The following LDB2 variants were observed in gnomAD, a reference collection of about 807,000 sequenced individuals.
LDB2 encodes LIM domain-binding protein 2.
Under a neutral mutation model 44.3 loss-of-function variants are expected in LDB2, and 12 were observed. The observed-to-expected ratio is 0.27, with a 90% CI of 0.17 to 0.44. The LOEUF (loss-of-function observed/expected upper bound fraction) is 0.44, where lower values mean the gene tolerates loss of function less well. Among genes scored for constraint, LDB2 ranks in the 20% least tolerant of loss-of-function variants. The probability of loss-of-function intolerance (pLI) is 1.00; values close to 1 mark genes in which losing one functional copy is unlikely to be tolerated. For missense variants in LDB2, 344 were observed against 473.5 expected (o/e 0.73, Z 2.54); for synonymous variants, 164 against 174.8 (o/e 0.94, Z 0.49).
intron 3 of LDB2, among the ~76,000 whole-genome samples, chr4:16,592,708 A>C (rs1719566351): frequency 6.6e-6 from 1 of 151,992 alleles, no homozygotes; most frequent in South Asian, 2.1e-4. Flanking sequence ...AGCAGTAAAA[A>C]AATTCATAGT....
chr4:16,893,977 G>C (rs2110540877), intron 1 of LDB2, among the ~76,000 whole-genome samples: 1 of 152,132 alleles, frequency 6.6e-6, no homozygotes, highest in East Asian at 1.9e-4. Context: ...TCGAACATTA[G>C]TTAAATCCCT....
intron 2 of LDB2, among the ~76,000 whole-genome samples, chr4:16,707,546 T>G (rs926652693): frequency 6.6e-6 from 1 of 152,232 alleles, no homozygotes; most frequent in Non-Finnish European, 1.5e-5. Context: ...GGTTAATTGT[T>G]GCAGTTTATT....
At chr4:16,749,469 A>G (rs1765015051) in intron 2 of LDB2, among the ~76,000 whole-genome samples, 1 of 150,532 alleles carries the variant, frequency 6.6e-6, no homozygotes, top group Admixed American at 6.7e-5. Flanking sequence ...GAGGCAGGAG[A>G]ATTGCTTGAA....
intron 3 of LDB2, 52 bp downstream of exon 3, chr4:16,595,651 T>C: frequency 2.6e-6 from 4 of 1,530,620 alleles, no homozygotes; most frequent in Non-Finnish European, 3.6e-6. Context: ...TATTATTCTT[T>C]AATGCTCTCA....
At chr4:16,537,719 G>A (rs1336439108) in intron 5 of LDB2, among the ~76,000 whole-genome samples, 5 of 152,162 alleles carry the variant, frequency 3.3e-5, no homozygotes, top group Admixed American at 1.3e-4. Context: ...TAGAGGCATT[G>A]AAACTGAGGT....
chr4:16,744,818 T>A (rs1038972249), intron 2 of LDB2, among the ~76,000 whole-genome samples: 1 of 152,200 alleles, frequency 6.6e-6, no homozygotes, highest in Non-Finnish European at 1.5e-5. Context: ...TTAATTTGAA[T>A]CCTGACTTTA....
chr4:16,819,684 T>C (rs1781596875), intron 1 of LDB2, among the ~76,000 whole-genome samples: 1 of 152,068 alleles, frequency 6.6e-6, no homozygotes, highest in Non-Finnish European at 1.5e-5. Flanking sequence ...AAAACACAAG[T>C]GTGAGCAATA....
intron 2 of LDB2, among the ~76,000 whole-genome samples, chr4:16,628,868 A>T (rs902922276): frequency 6.6e-6 from 1 of 152,162 alleles, no homozygotes; most frequent in East Asian, 1.9e-4. Context: ...GCCGTGAGTG[A>T]CTGTACCTGG....
intron 1 of LDB2, among the ~76,000 whole-genome samples, chr4:16,787,430 T>C (rs2109545955): frequency 6.6e-6 from 1 of 152,206 alleles, no homozygotes; most frequent in East Asian, 1.9e-4. Flanking sequence ...CTGGTCAACA[T>C]GGTGAAACTT....
At chr4:16,667,316 C>A (rs913485447) in intron 2 of LDB2, among the ~76,000 whole-genome samples, 19 of 152,186 alleles carry the variant, frequency 1.2e-4, no homozygotes, top group Non-Finnish European at 8.8e-5. Flanking sequence ...TGTGCAGAGT[C>A]CTTGCCGTGC....
At chr4:16,541,312 C>T (rs1733683882) in intron 5 of LDB2, among the ~76,000 whole-genome samples, 1 of 151,864 alleles carries the variant, frequency 6.6e-6, no homozygotes, top group Non-Finnish European at 1.5e-5. Context: ...AGTGTGGCAC[C>T]CTCCCTGCCT....
At chr4:16,617,286 T>A (rs1339333502) in intron 2 of LDB2, among the ~76,000 whole-genome samples, 1 of 151,276 alleles carries the variant, frequency 6.6e-6, no homozygotes, top group Non-Finnish European at 1.5e-5. Flanking sequence ...GCGAGTGGAA[T>A]ACTGAAAACC....
At position 16,744,528 on chromosome 4, in the gene LDB2, G is replaced by A. The variant is rs546128374; in HGVS notation, c.235+14630C>T. ...CTCACTCTGTTGCCCAGGCTGGAGT[G>A]CAGTGGCTTGATCTCAGCTGACTGC... On this transcript the variant is annotated intron_variant, in intron 2 of 7. Coordinates refer to ENST00000304523, the MANE Select transcript of LDB2 (RefSeq NM_001290.5). 4.7e-3 allele frequency among the ~76,000 whole-genome samples: 707 copies of A among 151,878 alleles called. 8 individuals are homozygous for A. Among genetic ancestry groups the A allele is most frequent in the African/African-American group, 0.016 (676 of 41,382 alleles).
At chr4:16,856,666 T>C (rs1789420515) in intron 1 of LDB2, among the ~76,000 whole-genome samples, 1 of 152,170 alleles carries the variant, frequency 6.6e-6, no homozygotes, top group Non-Finnish European at 1.5e-5. Flanking sequence ...ATTCTACCCT[T>C]AAGTACTTAC....
rs765454679 is a variant in LDB2, at chr4:16,759,225, A to C, written c.168T>G (p.Thr56=). ...SDNLWWDAFA[T]EFFEDDATLT... ...ATGTGGCGTCATCTTCAAAAAATTC[A>C]GTGGCAAAGGCGTCCCACCAGAGGT... is the stretch of plus-strand genomic sequence containing the variant. Residue 56 remains threonine, a synonymous_variant, in exon 2 of 8, where the codon ACT becomes ACG. Transcript: ENST00000304523. 4 of 1,614,058 alleles carry C rather than the reference A, an allele frequency of 2.5e-6. No homozygotes were observed. Among genetic ancestry groups the C allele is most frequent in the Admixed American group, 3.3e-5 (2 of 60,026 alleles).
chr4:16,712,152 T>C (rs1202368056), intron 2 of LDB2, among the ~76,000 whole-genome samples: 2 of 152,190 alleles, frequency 1.3e-5, no homozygotes, highest in Non-Finnish European at 2.9e-5. Flanking sequence ...GAAAATATTT[T>C]AGAATCATAT....
In LDB2 at chr4:16,533,609, C is replaced by G. The variant is rs1730831153; in HGVS notation, c.616-21505G>C. Among the ~76,000 whole-genome samples, 1 of 152,188 alleles carries G rather than the reference C, an allele frequency of 6.6e-6. No homozygotes were observed. The highest frequency in any genetic ancestry group is 2.4e-5 in the African/African-American group (1 of 41,444). ...AAAGCTGAGACTTCTCTCAAGAAAG[C>G]AAGACTGTGACAGAGAAGGGCAGCT... On this transcript the variant is annotated intron_variant, in intron 5 of 7. Transcript: ENST00000304523. The surrounding 1 kb of genome is among the most constrained non-coding windows in gnomAD (Gnocchi z 4.1).
chr4:16,771,030 A>T (rs1243676410), intron 1 of LDB2, among the ~76,000 whole-genome samples: 1 of 152,232 alleles, frequency 6.6e-6, no homozygotes, highest in Non-Finnish European at 1.5e-5. Context: ...CCATTCCAAC[A>T]TAAACACAGC....
At chr4:16,604,321 C>G (rs952093123) in intron 2 of LDB2, among the ~76,000 whole-genome samples, 2 of 151,972 alleles carry the variant, frequency 1.3e-5, no homozygotes, top group African/African-American at 4.8e-5. Context: ...ATATTAATAG[C>G]TTTTGGGGAA....
Sources: allele counts gnomAD v4.1 joint callset (sites outside exome capture counted in the v4.1 genomes callset), GRCh38; gene constraint gnomAD v4.1.1; non-coding constraint Gnocchi (gnomAD v3.1); transcripts MANE v1.5; gene names NCBI Gene and HGNC (gene_info 2026-07-23, HGNC 2026-07-21).